The following GPHN variants were observed in gnomAD, a reference collection of about 807,000 sequenced individuals.
GPHN encodes gephyrin.
GPHN carries 17 observed loss-of-function variants against 95.5 expected under a neutral mutation model. The observed-to-expected ratio is 0.18, with a 90% confidence interval of 0.12 to 0.27. The LOEUF (loss-of-function observed/expected upper bound fraction) is 0.27. Among genes scored for constraint, GPHN ranks in the 10% least tolerant of loss-of-function variants. The probability of loss-of-function intolerance (pLI) is 1.00; values close to 1 mark genes in which losing one functional copy is unlikely to be tolerated. For missense variants in GPHN, 660 were observed against 978.1 expected (o/e 0.67, Z 4.34); for synonymous variants, 320 against 322.5 (o/e 0.99, Z 0.08).
chr14:66,867,025 A>G (rs1414256734), intron 4 of GPHN, among the ~76,000 whole-genome samples: 2 of 152,006 alleles, frequency 1.3e-5, no homozygotes, highest in African/African-American at 2.4e-5. Flanking sequence ...TTGACCTTTC[A>G]TCACAACCAG....
the GPHN span, among the ~76,000 whole-genome samples, chr14:67,550,174 T>G: frequency 8.6e-6 from 1 of 116,602 alleles, no homozygotes; most frequent in South Asian, 2.8e-4. Context: ...AAAAAAAAAT[T>G]GAAAACCATT....
At chr14:67,037,673 A>C (rs1022387983) in intron 10 of GPHN, among the ~76,000 whole-genome samples, 2 of 151,964 alleles carry the variant, frequency 1.3e-5, no homozygotes, top group Non-Finnish European at 2.9e-5. Context: ...AAGATATACA[A>C]ATGGCCAACA....
the GPHN span, among the ~76,000 whole-genome samples, chr14:67,608,497 C>A: frequency 3.9e-5 from 6 of 152,118 alleles, no homozygotes; most frequent in Non-Finnish European, 5.9e-5. Flanking sequence ...ACCAATCCCC[C>A]ACTAATACAG....
At chr14:67,314,643 C>G in the GPHN span, among the ~76,000 whole-genome samples, 1 of 152,148 alleles carries the variant, frequency 6.6e-6, no homozygotes, top group Non-Finnish European at 1.5e-5. Flanking sequence ...GAACTTTAGC[C>G]CATAAATGTT....
At chr14:66,606,565 C>T (rs1011108351) in intron 1 of GPHN, among the ~76,000 whole-genome samples, 1 of 152,082 alleles carries the variant, frequency 6.6e-6, no homozygotes, top group Non-Finnish European at 1.5e-5. Flanking sequence ...TTGCTTTGAC[C>T]AGTATGGCCA....
chr14:67,596,404 G>A, the GPHN span, among the ~76,000 whole-genome samples: 1 of 143,610 alleles, frequency 7.0e-6, no homozygotes, highest in Non-Finnish European at 1.5e-5. Context: ...GCCTCCCAAA[G>A]TGCTGGGATT....
intron 16 of GPHN, among the ~76,000 whole-genome samples, chr14:67,120,756 A>G (rs1265686253): frequency 1.3e-5 from 2 of 152,254 alleles, no homozygotes; most frequent in Non-Finnish European, 2.9e-5. Flanking sequence ...CAGAAAATTA[A>G]TCTATGTTAG....
chr14:66,586,146 G>A (rs913003116), intron 1 of GPHN, among the ~76,000 whole-genome samples: 71 of 151,996 alleles, frequency 4.7e-4, no homozygotes, highest in Non-Finnish European at 9.7e-4. Context: ...TTATGTAATG[G>A]CCTTCTTTGT....
At chr14:67,553,261 G>A in the GPHN span, among the ~76,000 whole-genome samples, 1 of 152,174 alleles carries the variant, frequency 6.6e-6, no homozygotes, top group African/African-American at 2.4e-5. Context: ...TCCTGCTGAA[G>A]TGCAACCTAG....
chr14:67,383,924 T>C, the GPHN span: 11 of 186,016 alleles, frequency 5.9e-5, no homozygotes, highest in Admixed American at 2.2e-4. Flanking sequence ...CTAATTCTTT[T>C]ATCTTTATTT....
rs936884183 is a variant in GPHN at position 66,889,599 on chromosome 14, A to C, written c.389+9566A>C. On this transcript the variant is annotated intron_variant, in intron 5 of 22. Coordinates refer to ENST00000478722, the MANE Select transcript of GPHN (RefSeq NM_020806.5). Reference sequence around the variant, plus strand: ...CAAAAATGCAACATACCAAAACTTCATAGCATGCAGAAAAAGCAGCACTGA... The same window carrying C: ...CAAAAATGCAACATACCAAAACTTCCTAGCATGCAGAAAAAGCAGCACTGA... Among the ~76,000 whole-genome samples the C allele has an allele frequency of 2.6e-5, 4 of 152,198 alleles. No homozygotes were observed. In the East Asian group the frequency reaches 7.7e-4, roughly 29 times the overall value.
the GPHN span, among the ~76,000 whole-genome samples, chr14:67,468,107 G>A: frequency 1.3e-5 from 2 of 152,208 alleles, no homozygotes; most frequent in South Asian, 4.2e-4. Flanking sequence ...CCGAGTAGCT[G>A]GGATTACAGG....
chr14:67,637,762 CT>C, the GPHN span, among the ~76,000 whole-genome samples: 1 of 152,166 alleles, frequency 6.6e-6, no homozygotes, highest in East Asian at 1.9e-4. Context: ...CCTAGAGCAA[CT>C]TTCATATTTT....
At chr14:67,724,589 G>T in the GPHN span, 137 of 1,611,080 alleles carry the variant, frequency 8.5e-5, 1 homozygote, top group South Asian at 1.5e-3. Flanking sequence ...CTCGCTAGCC[G>T]AGGTAAGTGT....
chr14:67,180,801 T>C lies in GPHN; in HGVS notation c.2177-3T>C, dbSNP rs762562466. ...CTGCTGTAATAAGAGTATTTCTTTC[T>C]AGGTAATCAAATGAGCAGCCGTCTG... On this transcript the variant is annotated splice_polypyrimidine_tract_variant and splice_region_variant and intron_variant, in intron 22 of 22. Transcript: ENST00000478722. 19 of 1,613,398 alleles carry C rather than the reference T, an allele frequency of 1.2e-5. No individual in the cohort carries two copies. Among genetic ancestry groups the C allele is most frequent in the Non-Finnish European group, 1.6e-5 (19 of 1,179,614 alleles).
the GPHN span, chr14:67,390,802 C>A: frequency 8.3e-7 from 1 of 1,199,094 alleles, no homozygotes; most frequent in Non-Finnish European, 1.2e-6. Context: ...TCCCTCTCTC[C>A]TGTATCTATG....
At chr14:67,534,423 T>TA in the GPHN span, among the ~76,000 whole-genome samples, 1 of 151,866 alleles carries the variant, frequency 6.6e-6, no homozygotes, top group South Asian at 2.1e-4. Context: ...TACAAATAAA[T>TA]AAAAATTTAA....
At chr14:67,610,803 TA>T in the GPHN span, among the ~76,000 whole-genome samples, 1 of 152,116 alleles carries the variant, frequency 6.6e-6, no homozygotes, top group Non-Finnish European at 1.5e-5. Context: ...AAAGTACCCT[TA>T]AAAAACCCTA....
chr14:67,455,852 C>A, the GPHN span, among the ~76,000 whole-genome samples: 2 of 152,190 alleles, frequency 1.3e-5, no homozygotes, highest in African/African-American at 4.8e-5. Context: ...TCCCTACCCT[C>A]TGGAGCTTAC....
Sources: gnomAD v4.1 joint callset for allele counts (sites outside exome capture counted in the v4.1 genomes callset) on GRCh38, gnomAD v4.1.1 for gene constraint, MANE v1.5 for transcripts, NCBI Gene and HGNC (gene_info 2026-07-23, HGNC 2026-07-21) for gene names.